The following PSMC3 variants were observed in gnomAD, a reference collection of about 807,000 sequenced individuals.
PSMC3 encodes the protein 26S proteasome regulatory subunit 6A.
PSMC3 carries 11 observed loss-of-function variants against 52.0 expected under a neutral mutation model. That is an observed-to-expected ratio of 0.21 (90% confidence interval 0.13 to 0.35). The LOEUF (loss-of-function observed/expected upper bound fraction) is 0.35, where lower values mean the gene tolerates loss of function less well. Ranked by LOEUF, PSMC3 falls within the 10% of genes least tolerant of loss-of-function variation. PSMC3 has a pLI of 1.00. For missense variants in PSMC3, 238 were observed against 567.1 expected (o/e 0.42, Z 5.89); for synonymous variants, 201 against 218.8 (o/e 0.92, Z 0.72).
chr11:47,425,774 AG>A, intron 2 of PSMC3, 92 bp downstream of exon 2: 1 of 1,107,582 alleles, frequency 9.0e-7, no homozygotes, highest in Non-Finnish European at 1.3e-6. Flanking sequence ...TGTCTCCCCC[AG>A]GGTGCCCGAT....
Position 47,425,954 on chromosome 11 carries a change from T to C in PSMC3, c.76-4A>G, listed in dbSNP as rs758236865. ...CCTCCTCCCCAATTCCATCTTGCTG[T>C]AAAAAATTATTTGTTTATTTATATA... On this transcript the variant is annotated splice_polypyrimidine_tract_variant and splice_region_variant and intron_variant, in intron 1 of 11. Transcript: ENST00000298852. 1 of 1,610,592 alleles carries C rather than the reference T, an allele frequency of 6.2e-7. No homozygotes were observed. The highest frequency in any genetic ancestry group is 1.1e-5 in the South Asian group (1 of 90,948).
Position 47,419,837 on chromosome 11 carries a change from C to T in PSMC3, c.1127+427G>A, listed in dbSNP as rs532156517. 1.2e-4 allele frequency among the ~76,000 whole-genome samples: 18 copies of T among 148,496 alleles called. No homozygotes were observed. In the East Asian group the frequency reaches 2.8e-3, roughly 23 times the overall value. On this transcript the variant is annotated intron_variant, in intron 10 of 11. Coordinates refer to ENST00000298852, the MANE Select transcript of PSMC3 (RefSeq NM_002804.5). ...TCGCGCCACTGTACTCCAGCCTGGGCGACAGAGCGAGACACTGTCTCCAAA... is the reference window on the plus strand; with the variant it reads ...TCGCGCCACTGTACTCCAGCCTGGGTGACAGAGCGAGACACTGTCTCCAAA...
At chr11:47,423,128 G>C (rs941205532) in intron 6 of PSMC3, among the ~76,000 whole-genome samples, 155 bp from the exon 7 acceptor site, 1 of 152,174 alleles carries the variant, frequency 6.6e-6, no homozygotes, top group East Asian at 1.9e-4. Context: ...GGCTGGGCGC[G>C]GTGGCTCACG....
At position 47,424,601 on chromosome 11, in the gene PSMC3, G is replaced by A. The variant is rs201803734; in HGVS notation, c.390+6C>T. On this transcript the variant is annotated splice_donor_region_variant and intron_variant, in intron 4 of 11. Transcript: ENST00000298852. The surrounding 1 kb of genome is among the most constrained non-coding windows in gnomAD (Gnocchi z 4.8). ...CTCCAGTCTCTCATTGCTGAGCCAC[G>A]CTCACCTGTCGTGTAGAGGTTTTGA... 2.0e-3 allele frequency: 3,152 copies of A among 1,611,328 alleles called. 6 individuals carry two copies. The highest frequency in any genetic ancestry group is 2.5e-3 in the Non-Finnish European group (3,000 of 1,177,454).
At chr11:47,423,676 C>T (rs1305540174) in intron 6 of PSMC3, among the ~76,000 whole-genome samples, 1 of 152,172 alleles carries the variant, frequency 6.6e-6, no homozygotes, top group Non-Finnish European at 1.5e-5. Flanking sequence ...CCTGTAATCC[C>T]AGCTACTCGA....
chr11:47,422,657 T>C lies in PSMC3; in HGVS notation c.801A>G (p.Leu267=), dbSNP rs1339591114. 8 of 1,614,142 alleles carry C rather than the reference T, an allele frequency of 5.0e-6. No homozygotes were observed. The highest frequency in any genetic ancestry group is 6.8e-6 in the Non-Finnish European group (8 of 1,179,994). Residue 267 remains leucine (L), a synonymous_variant, in exon 8 of 12, where the codon CTA becomes CTG. Coordinates refer to ENST00000298852, the MANE Select transcript of PSMC3 (RefSeq NM_002804.5). The surrounding 1 kb of genome is among the most constrained non-coding windows in gnomAD (Gnocchi z 4.3). Reference sequence around the variant, plus strand: ...TGGCCAGGGCAAAGGCATCCCGGACTAGCTTGGCACCATCTCCAATGAACA... The same window carrying C: ...TGGCCAGGGCAAAGGCATCCCGGACCAGCTTGGCACCATCTCCAATGAACA... ...VQMFIGDGAK[L]VRDAFALAKE... is the part of the protein sequence containing the mutation.
chr11:47,425,972 T>C (rs1440316327), intron 1 of PSMC3, 22 bp from the exon 2 acceptor site: 3 of 1,595,348 alleles, frequency 1.9e-6, no homozygotes, highest in South Asian at 1.1e-5. Flanking sequence ...TATTTGTTTA[T>C]TTATATATTT....
At chr11:47,423,331 G>A (rs1037351033) in intron 6 of PSMC3, among the ~76,000 whole-genome samples, 3 of 151,778 alleles carry the variant, frequency 2.0e-5, no homozygotes, top group African/African-American at 7.3e-5. Context: ...AACCCGGGAC[G>A]CGGAGCTCGT....
At chr11:47,420,545 T>A (rs1483458147) in intron 9 of PSMC3, 86 bp downstream of exon 9, 5 of 1,510,304 alleles carry the variant, frequency 3.3e-6, no homozygotes, top group Non-Finnish European at 3.6e-6. Context: ...CAATTCTCAT[T>A]CCAGCTCCAC....
chr11:47,420,799 G>A, intron 8 of PSMC3, 72 bp from the exon 9 acceptor site: 1 of 1,415,876 alleles, frequency 7.1e-7, no homozygotes, highest in East Asian at 2.5e-5. Flanking sequence ...TCTACCCCCT[G>A]GAAGCCTAAC....
intron 1 of PSMC3, 125 bp from the exon 2 acceptor site, chr11:47,426,075 G>A (rs1275117706): frequency 7.2e-7 from 1 of 1,398,508 alleles, no homozygotes; most frequent in South Asian, 1.2e-5. Context: ...CAGGACCCCT[G>A]CCCACATCCC....
chr11:47,426,346 C>CT lies in PSMC3; in HGVS notation c.-68dup. On this transcript the variant is annotated 5_prime_UTR_variant, in exon 1 of 12. Transcript: ENST00000298852. ...GCAACGGGAGATTAATACCGTCTTTCTTAAAGCCTTCTCTTGACCAGTGGA... is the reference window on the plus strand; with the variant it reads ...GCAACGGGAGATTAATACCGTCTTTCTTTAAAGCCTTCTCTTGACCAGTGGA... 1 of 1,379,420 alleles carries CT rather than the reference C, an allele frequency of 7.2e-7. No homozygotes were observed. Among genetic ancestry groups the CT allele is most frequent in the South Asian group, 1.3e-5 (1 of 75,504 alleles). 85.4% of individuals were successfully genotyped at this position (1,379,420 alleles called of 1,614,324 possible). A position where few individuals can be genotyped will look rare whatever the true frequency, so the allele number is the denominator to read the frequency against.
Position 47,426,195 on chromosome 11 carries a change from C to T in PSMC3, c.75+10G>A, listed in dbSNP as rs1428307171. On this transcript the variant is annotated intron_variant, in intron 1 of 11. Transcript: ENST00000298852. ...CCGGTTCCCGGACCGCCAGCTCGCC[C>T]GGTGCCCACCTCGGCCTCATCCCAC... The T allele has an allele frequency of 5.8e-6, 9 of 1,556,082 alleles. No individual in the cohort carries two copies. The highest frequency in any genetic ancestry group is 1.9e-5 in the Admixed American group (1 of 51,602).
rs2153303654 is a variant in PSMC3 at position 47,420,412 on chromosome 11, G to T, written c.982-3C>A. The T allele has an allele frequency of 6.2e-7, 1 of 1,609,606 alleles. No individual in the cohort carries two copies. On this transcript the variant is annotated splice_polypyrimidine_tract_variant and splice_region_variant and intron_variant, in intron 9 of 11. Coordinates refer to ENST00000298852, the MANE Select transcript of PSMC3 (RefSeq NM_002804.5). ...ACCCTGTTTGTGGCTGCAATTACCT[G>T]AGGAAGAGAAGCCACAACTTGAAAG...
Position 47,422,736 on chromosome 11 carries a change from G to A in PSMC3, c.736-14C>T. ...TAGGAAGGTGGCCTGGCAGGAAAAGGTGGTAGAGTCAGGTCAAAGGCAGAC... is the reference window on the plus strand; with the variant it reads ...TAGGAAGGTGGCCTGGCAGGAAAAGATGGTAGAGTCAGGTCAAAGGCAGAC... On this transcript the variant is annotated splice_polypyrimidine_tract_variant and intron_variant, in intron 7 of 11. Transcript: ENST00000298852. The surrounding 1 kb of genome is among the most constrained non-coding windows in gnomAD (Gnocchi z 4.3). The A allele has an allele frequency of 6.2e-7, 1 of 1,614,118 alleles. No individual in the cohort carries two copies. The highest frequency in any genetic ancestry group is 8.5e-7 in the Non-Finnish European group (1 of 1,179,986).
At chr11:47,423,381 A>C (rs2096042926) in intron 6 of PSMC3, among the ~76,000 whole-genome samples, 2 of 150,852 alleles carry the variant, frequency 1.3e-5, no homozygotes, top group African/African-American at 4.9e-5. Flanking sequence ...AGCCAGCCTG[A>C]GCGGCAGAGC....
Position 47,418,924 on chromosome 11 carries a change from C to G in PSMC3, c.1231G>C (p.Gly411Arg). The change falls in exon 12 of 12, where the codon GGT (glycine) becomes CGT (arginine). Residue 411 changes from glycine to arginine, a missense_variant. Coordinates refer to ENST00000298852, the MANE Select transcript of PSMC3 (RefSeq NM_002804.5). The stretch of plus-strand genomic sequence containing the variant: ...TCCTCGTGGGTGAGCTCCGTGGCAC[C>G]CCTGCGCAGTGCGATCATGCCCTAC... Reference protein sequence around the residue: ...VEAGMIALRRGATELTHEDYM... With the variant: ...VEAGMIALRRRATELTHEDYM... 6.2e-7 allele frequency: 1 copy of G among 1,614,130 alleles called. No homozygotes were observed. The highest frequency in any genetic ancestry group is 8.5e-7 in the Non-Finnish European group (1 of 1,180,000).
intron 2 of PSMC3, 153 bp from the exon 3 acceptor site, chr11:47,425,399 A>C (rs1459388603): frequency 5.5e-6 from 5 of 917,014 alleles, no homozygotes; most frequent in Non-Finnish European, 8.2e-6. Context: ...GACTGTGTCC[A>C]CATCCTGCAG....
At chr11:47,425,785 T>G (rs2153304245) in intron 2 of PSMC3, 82 bp downstream of exon 2, 6 of 1,263,794 alleles carry the variant, frequency 4.7e-6, no homozygotes, top group Non-Finnish European at 6.7e-6. Context: ...GGGTGCCCGA[T>G]TAGGAAGTAC....
Sources: gnomAD v4.1 joint callset for allele counts (sites outside exome capture counted in the v4.1 genomes callset) on GRCh38, gnomAD v4.1.1 for gene constraint, Gnocchi (gnomAD v3.1) non-coding constraint, MANE v1.5 for transcripts, NCBI Gene and HGNC (gene_info 2026-07-23, HGNC 2026-07-21) for gene names.